Variants in PAK1 observed in about 807,000 individuals in gnomAD.
The protein encoded by PAK1 is serine/threonine-protein kinase PAK 1.
In PAK1, 29 loss-of-function variants were observed where a neutral mutation model predicts 67.4. The ratio of observed to expected loss-of-function variants is 0.43; its 90% confidence interval spans 0.32 to 0.59. The LOEUF (loss-of-function observed/expected upper bound fraction) is 0.59. Ranked by LOEUF, PAK1 falls within the 20% of genes least tolerant of loss-of-function variation. PAK1 has a pLI of 0.07. For synonymous variants in PAK1, 223 were observed against 237.4 expected (o/e 0.94, Z 0.56); for missense variants, 337 against 670.7 (o/e 0.50, Z 5.50).
intron 1 of PAK1, among the ~76,000 whole-genome samples, chr11:77,409,308 C>T (rs150289186): frequency 2.0e-4 from 31 of 152,096 alleles, no homozygotes; most frequent in African/African-American, 6.0e-4. Flanking sequence ...ATAACAGATG[C>T]TGGCAAGGAT....
chr11:77,368,471 G>A (rs1947916099), intron 5 of PAK1, among the ~76,000 whole-genome samples: 1 of 152,104 alleles, frequency 6.6e-6, no homozygotes, highest in Admixed American at 6.6e-5. Context: ...AGCTACTAGA[G>A]GATATGCTCC....
At chr11:77,376,356 G>A (rs1385261486) in intron 4 of PAK1, among the ~76,000 whole-genome samples, 3 of 152,132 alleles carry the variant, frequency 2.0e-5, no homozygotes, top group Non-Finnish European at 2.9e-5. Flanking sequence ...TCAAGGTCAC[G>A]TAAGTCAGTG....
In PAK1 at chr11:77,462,064, C is replaced by T. The variant is rs138294446; in HGVS notation, c.-22+11488G>A. ...TCTTTTCGCCGGGCGCTGTGGCTCA[C>T]GCCTGTAATCCCAGCACTTTGGGAG... On this transcript the variant is annotated intron_variant, in intron 1 of 14. Coordinates refer to ENST00000356341, the MANE Select transcript of PAK1 (RefSeq NM_002576.5). Among the ~76,000 whole-genome samples, 880 of 152,242 alleles carry T rather than the reference C, an allele frequency of 5.8e-3. 10 individuals carry two copies. The highest frequency in any genetic ancestry group is 0.02 in the African/African-American group (847 of 41,524).
the PAK1 span, among the ~76,000 whole-genome samples, chr11:77,500,243 C>T: frequency 2.7e-4 from 41 of 151,616 alleles, no homozygotes; most frequent in Non-Finnish European, 5.2e-4. Flanking sequence ...CCGAGGTGGG[C>T]GGATCACAAG....
chr11:77,433,413 G>A (rs943321592), intron 1 of PAK1, among the ~76,000 whole-genome samples: 4 of 152,116 alleles, frequency 2.6e-5, no homozygotes, highest in African/African-American at 4.8e-5. Context: ...CCACAAAATT[G>A]GAGAAAATAT....
At chr11:77,369,397 A>C (rs1948081511) in intron 5 of PAK1, among the ~76,000 whole-genome samples, 1 of 145,792 alleles carries the variant, frequency 6.9e-6, no homozygotes, top group Admixed American at 6.9e-5. Flanking sequence ...TATATTATTA[A>C]TTCCCTATTC....
intron 1 of PAK1, among the ~76,000 whole-genome samples, chr11:77,409,650 C>T (rs1276202614): frequency 1.3e-5 from 2 of 151,846 alleles, no homozygotes; most frequent in Non-Finnish European, 2.9e-5. Flanking sequence ...ATGGATGACA[C>T]TGGATACCAT....
Position 77,340,529 on chromosome 11 carries a change from C to T in PAK1, c.1116+117G>A, listed in dbSNP as rs939886413. On this transcript the variant is annotated intron_variant, in intron 11 of 14. Coordinates refer to ENST00000356341, the MANE Select transcript of PAK1 (RefSeq NM_002576.5). ...AATACAGGAATGATAGCAGTGTCAG[C>T]ACTAATTTCTACCAATTCCACAGAG... is the stretch of plus-strand genomic sequence containing the variant. The T allele has an allele frequency of 1.7e-5, 12 of 709,998 alleles. No individual in the cohort carries two copies. In the Middle Eastern group the frequency reaches 2.7e-3, roughly 160 times the overall value. The allele number at this position is 709,998 out of a possible 1,614,324, so 44.0% of individuals were successfully genotyped here. A position where few individuals can be genotyped will look rare whatever the true frequency, so the allele number is the denominator to read the frequency against.
Position 77,392,599 on chromosome 11 carries a change from AC to A in PAK1, c.-21-59del, listed in dbSNP as rs993985322. On this transcript the variant is annotated intron_variant, in intron 1 of 14. Transcript: ENST00000356341. Reference sequence around the variant, plus strand: ...TTATTATTTTTGACCAAAAGGAAATACATGTTAAAAAATTGCAAAGAATCAA... The same window carrying A: ...TTATTATTTTTGACCAAAAGGAAATAATGTTAAAAAATTGCAAAGAATCAA... 11 of 1,386,766 alleles carry A rather than the reference AC, an allele frequency of 7.9e-6. No individual in the cohort carries two copies. In the African/African-American group the frequency reaches 1.6e-4, roughly 20 times the overall value. 85.9% of individuals were successfully genotyped at this position (1,386,766 alleles called of 1,614,324 possible).
chr11:77,391,855 T>A (rs1292245030), intron 2 of PAK1, among the ~76,000 whole-genome samples: 4 of 152,228 alleles, frequency 2.6e-5, no homozygotes, highest in Admixed American at 2.6e-4. Context: ...TATCTCTGCA[T>A]CCTTTTCTCA....
chr11:77,467,765 T>C lies in PAK1; in HGVS notation c.-22+5787A>G, dbSNP rs562500013. Among the ~76,000 whole-genome samples the C allele has an allele frequency of 2.6e-5, 4 of 152,364 alleles. No homozygotes were observed. In the East Asian group the frequency reaches 5.8e-4, roughly 22 times the overall value. ...TCACTTTTACATATATTATTAATCT[T>C]CACAAGAATTCTGTAAGTTAGGTAT... On this transcript the variant is annotated intron_variant, in intron 1 of 14. Coordinates refer to ENST00000356341, the MANE Select transcript of PAK1 (RefSeq NM_002576.5).
the PAK1 span, among the ~76,000 whole-genome samples, chr11:77,488,171 A>C: frequency 3.9e-5 from 6 of 152,202 alleles, no homozygotes; most frequent in African/African-American, 1.4e-4. Flanking sequence ...ATCGAAGACC[A>C]CCAAGGCACT....
intron 4 of PAK1, among the ~76,000 whole-genome samples, chr11:77,378,094 G>C (rs975391780): frequency 3.3e-5 from 5 of 152,134 alleles, no homozygotes; most frequent in Admixed American, 1.3e-4. Context: ...GTTCATCCTG[G>C]TTCTCACCTT....
At chr11:77,329,457 T>C (rs1222580866) in intron 14 of PAK1, 1 of 152,248 alleles carries the variant, frequency 6.6e-6, no homozygotes. Context: ...GCTTCATCCC[T>C]GGGATGCAAA....
At chr11:77,416,372 A>G (rs1371144742) in intron 1 of PAK1, among the ~76,000 whole-genome samples, 1 of 152,120 alleles carries the variant, frequency 6.6e-6, no homozygotes, top group African/African-American at 2.4e-5. Context: ...GACTGTCAAC[A>G]TTAGTGTCTT....
intron 1 of PAK1, among the ~76,000 whole-genome samples, chr11:77,442,747 A>G (rs1487455648): frequency 1.3e-5 from 2 of 152,208 alleles, no homozygotes. Context: ...AACAATAGAT[A>G]ACTAATACAA....
the PAK1 span, among the ~76,000 whole-genome samples, chr11:77,506,973 C>T: frequency 6.6e-6 from 1 of 152,190 alleles, no homozygotes; most frequent in Non-Finnish European, 1.5e-5. Context: ...AGATCTTCAT[C>T]TAGTTCATTC....
intron 4 of PAK1, among the ~76,000 whole-genome samples, chr11:77,374,764 C>G (rs1948880929): frequency 6.6e-6 from 1 of 152,152 alleles, no homozygotes; most frequent in Non-Finnish European, 1.5e-5. Context: ...TAGCCTATTG[C>G]TTTCTAGGCT....
chr11:77,465,586 T>C (rs929902227), intron 1 of PAK1, among the ~76,000 whole-genome samples: 1 of 152,122 alleles, frequency 6.6e-6, no homozygotes. Context: ...AAGCAAAATC[T>C]ATCCTGGATA....
Sources: gnomAD v4.1 joint callset for allele counts (sites outside exome capture counted in the v4.1 genomes callset) on GRCh38, gnomAD v4.1.1 for gene constraint, MANE v1.5 for transcripts, NCBI Gene and HGNC (gene_info 2026-07-23, HGNC 2026-07-21) for gene names.